Variants in CTBP2 observed in about 807,000 individuals in gnomAD.
The protein encoded by CTBP2 is C-terminal binding protein 2.
Under a neutral mutation model 80.3 loss-of-function variants are expected in CTBP2, and 30 were observed. The ratio of observed to expected loss-of-function variants is 0.37; its 90% CI spans 0.28 to 0.51. The LOEUF (loss-of-function observed/expected upper bound fraction) is 0.51, where lower values mean the gene tolerates loss of function less well. CTBP2 is among the 20% of genes least tolerant of loss of function. CTBP2 has a pLI of 0.93. For synonymous variants in CTBP2, 594 were observed against 587.4 expected, an observed-to-expected ratio of 1.01 and a Z score of -0.16; for missense variants, 1,212 against 1,375.3, an observed-to-expected ratio of 0.88 and a Z score of 1.88.
intron 2 of CTBP2, among the ~76,000 whole-genome samples, chr10:125,059,457 C>T (rs141782211): frequency 1.3e-3 from 201 of 152,146 alleles, no homozygotes; most frequent in Non-Finnish European, 2.5e-3. Flanking sequence ...TGGTGCACGC[C>T]TGTAATCCCA....
intron 1 of CTBP2, among the ~76,000 whole-genome samples, chr10:125,138,451 A>T (rs762064921): frequency 2.0e-5 from 3 of 152,176 alleles, no homozygotes; most frequent in Non-Finnish European, 4.4e-5. Context: ...GGGGCTGGTG[A>T]AAATGACCTT....
At chr10:125,073,498 C>T (rs982602039) in intron 2 of CTBP2, among the ~76,000 whole-genome samples, 4 of 152,226 alleles carry the variant, frequency 2.6e-5, no homozygotes. Context: ...GCCTTGGCCC[C>T]CCAAAGTGCT....
At chr10:125,155,007 G>A (rs889456646) in intron 1 of CTBP2, among the ~76,000 whole-genome samples, 2 of 152,220 alleles carry the variant, frequency 1.3e-5, no homozygotes, top group African/African-American at 4.8e-5. Context: ...CCTCCTTTCT[G>A]AAGTTGAATA....
At chr10:125,015,112 G>A (rs911789591) in intron 1 of CTBP2, among the ~76,000 whole-genome samples, 3 of 152,188 alleles carry the variant, frequency 2.0e-5, no homozygotes, top group African/African-American at 7.2e-5. Context: ...CGGAGCCCGA[G>A]GGAGCTTCAT....
chr10:125,025,572 C>T (rs544606872), intron 1 of CTBP2, among the ~76,000 whole-genome samples: 6 of 152,314 alleles, frequency 3.9e-5, no homozygotes, highest in East Asian at 1.9e-4. Flanking sequence ...TTCATCTCCA[C>T]GGTGGGTAAT....
chr10:125,026,045 A>T (rs763862390), intron 1 of CTBP2: 1 of 1,532,774 alleles, frequency 6.5e-7, no homozygotes, highest in Admixed American at 2.0e-5. Context: ...TGCTCCCCCC[A>T]GGTCCCCAGG....
chr10:125,121,162 T>G (rs1317292694), intron 1 of CTBP2, among the ~76,000 whole-genome samples: 2 of 152,200 alleles, frequency 1.3e-5, no homozygotes, highest in Non-Finnish European at 1.5e-5. Context: ...GAGAGTGTTC[T>G]CTCCCTCTGC....
intron 2 of CTBP2, among the ~76,000 whole-genome samples, chr10:125,108,505 T>G (rs886792737): frequency 6.6e-6 from 1 of 152,212 alleles, no homozygotes; most frequent in African/African-American, 2.4e-5. Flanking sequence ...CCATACGTGG[T>G]CCTTACTTTG....
intron 1 of CTBP2, among the ~76,000 whole-genome samples, chr10:125,141,309 A>G (rs1479499080): frequency 1.3e-5 from 2 of 152,150 alleles, no homozygotes; most frequent in East Asian, 3.8e-4. Context: ...TGTGAGAGGA[A>G]CTAGTGACTA....
At chr10:125,124,239 C>G (rs866681041) in intron 1 of CTBP2, among the ~76,000 whole-genome samples, 1 of 152,154 alleles carries the variant, frequency 6.6e-6, no homozygotes, top group Non-Finnish European at 1.5e-5. Flanking sequence ...TTGTATCACC[C>G]GAAAGGTCTT....
intron 1 of CTBP2, among the ~76,000 whole-genome samples, chr10:125,018,858 G>A (rs1460676929): frequency 7.2e-5 from 11 of 152,230 alleles, no homozygotes; most frequent in Admixed American, 7.2e-4. Flanking sequence ...GCCCCTTCTG[G>A]TGAAGCACAC....
At chr10:125,042,108 G>A (rs1960003646) in intron 2 of CTBP2, among the ~76,000 whole-genome samples, 1 of 152,060 alleles carries the variant, frequency 6.6e-6, no homozygotes, top group Non-Finnish European at 1.5e-5. Context: ...TCTGGGTCTG[G>A]TCTGGGCAGT....
chr10:125,139,973 G>A (rs150579992), intron 1 of CTBP2, among the ~76,000 whole-genome samples: 360 of 152,114 alleles, frequency 2.4e-3, no homozygotes, highest in African/African-American at 8.1e-3. Context: ...TCCACTCAGC[G>A]TCTAGCACAC....
In CTBP2 at chr10:125,151,594, C is replaced by A. The variant is rs372389282; in HGVS notation, c.-206+8725G>T. ...TGCAACTCAGCCACCATCGCGCAGT[C>A]AATCAACGAACCTCACCACTCACCA... On this transcript the variant is annotated intron_variant, in intron 1 of 10. Transcript: ENST00000337195. Among the ~76,000 whole-genome samples the A allele has an allele frequency of 3.3e-5, 5 of 152,332 alleles. No homozygotes were observed. In the East Asian group the frequency reaches 5.8e-4, roughly 18 times the overall value.
chr10:124,993,136 A>G (rs1233228461), intron 7 of CTBP2, 66 bp downstream of exon 9: 2 of 1,539,418 alleles, frequency 1.3e-6, no homozygotes, highest in African/African-American at 2.8e-5. Context: ...AGCCAGCAGG[A>G]CAGGAGCCGG....
intron 1 of CTBP2, among the ~76,000 whole-genome samples, chr10:125,009,707 A>C (rs189059884): frequency 4.2e-4 from 64 of 152,314 alleles, no homozygotes; most frequent in Non-Finnish European, 6.8e-4. Context: ...GACAGGGCCA[A>C]GCTGGGGGCC....
intron 1 of CTBP2, among the ~76,000 whole-genome samples, chr10:125,118,644 G>C (rs1564962746): frequency 6.8e-6 from 1 of 147,550 alleles, no homozygotes; most frequent in Admixed American, 6.9e-5. Context: ...ACCTGAGTGG[G>C]GCACGACAGT....
intron 2 of CTBP2, among the ~76,000 whole-genome samples, chr10:125,074,622 G>T (rs926023935): frequency 4.6e-5 from 7 of 152,236 alleles, no homozygotes; most frequent in Non-Finnish European, 1.5e-5. Flanking sequence ...CTGGGTTACA[G>T]GCATGAGCCA....
chr10:124,992,981 C>T (rs573665603), intron 7 of CTBP2, among the ~76,000 whole-genome samples, 169 bp from the exon 10 acceptor site: 2 of 152,278 alleles, frequency 1.3e-5, no homozygotes, highest in East Asian at 1.9e-4. Flanking sequence ...TCTGTGTGCC[C>T]CCCGACCCCC....
Sources: gnomAD v4.1 joint callset for allele counts (sites outside exome capture counted in the v4.1 genomes callset) on GRCh38, gnomAD v4.1.1 for gene constraint, MANE v1.5 for transcripts, NCBI Gene and HGNC (gene_info 2026-07-23, HGNC 2026-07-21) for gene names.